BRMS1: variants seen among roughly 807,000 people sequenced by gnomAD.
BRMS1 encodes the protein BRMS1 transcriptional repressor and anoikis regulator, also known as breast cancer metastasis-suppressor 1.
A neutral mutation model predicts 40.4 loss-of-function variants in BRMS1; 26 were observed. That is an observed-to-expected ratio of 0.64 (90% confidence interval 0.47 to 0.89). BRMS1 has a LOEUF of 0.89. Ranked by LOEUF, BRMS1 falls within the 40% of genes least tolerant of loss-of-function variation. BRMS1 has a pLI of 0.00. For synonymous variants in BRMS1, 103 were observed against 116.0 expected, an observed-to-expected ratio of 0.89 and a Z score of 0.72; for missense variants, 289 against 309.4, an observed-to-expected ratio of 0.93 and a Z score of 0.49.
chr11:66,337,497 GAA>G lies in BRMS1; in HGVS notation c.*383_*384del. On this transcript the variant is annotated 3_prime_UTR_variant, in exon 10 of 10. Transcript: ENST00000359957. ...TCTGACTCAGAGTTCCCGCACAGTG[GAA>G]ACTGGCTCCCTGGCCCTGAGGCCGG... 1 of 619,792 alleles carries G rather than the reference GAA, an allele frequency of 1.6e-6. No homozygotes were observed. The highest frequency in any genetic ancestry group is 2.8e-6 in the Non-Finnish European group (1 of 355,104). The allele number at this position is 619,792 out of a possible 1,614,324, so 38.4% of individuals were successfully genotyped here.
intron 7 of BRMS1, 69 bp from the exon 8 acceptor site, chr11:66,338,854 TCAG>T: frequency 1.4e-6 from 2 of 1,443,848 alleles, no homozygotes; most frequent in Non-Finnish European, 1.9e-6. Flanking sequence ...CACCTGACAT[TCAG>T]GAGTGGGGGT....
rs1400803460 is a variant in BRMS1, at chr11:66,341,254, G to T, written c.310C>A (p.Pro104Thr). 29 of 1,613,464 alleles carry T rather than the reference G, an allele frequency of 1.8e-5. No homozygotes were observed. The highest frequency in any genetic ancestry group is 2.4e-5 in the Non-Finnish European group (28 of 1,179,724). The change falls in exon 4 of 10, where the codon CCC (proline) becomes ACC (threonine). Residue 104 changes from proline (P) to threonine (T), a missense_variant. Coordinates refer to ENST00000359957, the MANE Select transcript of BRMS1 (RefSeq NM_015399.4). The surrounding 1 kb of genome is among the most constrained non-coding windows in gnomAD (Gnocchi z 4.9). The part of the protein sequence containing the change: ...GAERAPEYTE[P>T]LGGLQRSLKI... ...AGGCTCCGCTGCAGCCCCCCAAGGG[G>T]CTCCGTGTATTCAGGGGCTCTCTCA...
chr11:66,337,691 C>A lies in BRMS1; in HGVS notation c.*191G>T. The A allele has an allele frequency of 6.3e-7, 1 of 1,588,120 alleles. No individual in the cohort carries two copies. Among genetic ancestry groups the A allele is most frequent in the Non-Finnish European group, 8.6e-7 (1 of 1,168,332 alleles). ...GGTCAGCTCCACGGCCACAGCTGTGCAGGCCTCGAGGAGGGCAGAGGAGGA... is the reference window on the plus strand; with the variant it reads ...GGTCAGCTCCACGGCCACAGCTGTGAAGGCCTCGAGGAGGGCAGAGGAGGA... On this transcript the variant is annotated 3_prime_UTR_variant, in exon 10 of 10. Coordinates refer to ENST00000359957, the MANE Select transcript of BRMS1 (RefSeq NM_015399.4).
intron 1 of BRMS1, among the ~76,000 whole-genome samples, chr11:66,342,886 C>T (rs185118253): frequency 6.6e-6 from 1 of 152,340 alleles, no homozygotes; most frequent in Non-Finnish European, 1.5e-5. Context: ...ATGTCCTCGG[C>T]TTCTCTTCCA....
At chr11:66,342,547 G>C (rs1855111651) in intron 1 of BRMS1, among the ~76,000 whole-genome samples, 1 of 152,190 alleles carries the variant, frequency 6.6e-6, no homozygotes, top group Non-Finnish European at 1.5e-5. Context: ...CACTGCCTTT[G>C]CAACTGGACC....
chr11:66,337,812 A>C lies in BRMS1; in HGVS notation c.*70T>G, dbSNP rs755835737. ...GGGGCCTGTGGGTCCGCCTGTCTGC[A>C]GGAGGAAGACGAGAATCCTGGGTGC... On this transcript the variant is annotated 3_prime_UTR_variant, in exon 10 of 10. Transcript: ENST00000359957. The C allele has an allele frequency of 8.7e-6, 14 of 1,614,146 alleles. No homozygotes were observed. The Middle Eastern group carries it at 6.6e-4, about 76-fold the overall frequency.
At chr11:66,339,292 G>T (rs1250199264) in intron 7 of BRMS1, among the ~76,000 whole-genome samples, 1 of 152,202 alleles carries the variant, frequency 6.6e-6, no homozygotes, top group Non-Finnish European at 1.5e-5. Context: ...TACCCTCAGG[G>T]GTGCAGGAGG....
At chr11:66,338,032 G>C (rs1854968878) in intron 9 of BRMS1, 143 bp from the exon 10 acceptor site, 4 of 1,161,396 alleles carry the variant, frequency 3.4e-6, no homozygotes. Flanking sequence ...TCCTGAGTGG[G>C]AGCTCCATCA....
In BRMS1 at chr11:66,341,698, C is replaced by A; in HGVS notation, c.140-75G>T. ...CCCGCATGTGTGCATGTGCGTCCTG[C>A]ATGTGTGTGTGTGCATGCATGCCTG... is the stretch of plus-strand genomic sequence containing the variant. On this transcript the variant is annotated intron_variant, in intron 2 of 9. Transcript: ENST00000359957. This position sits in a 1 kb window ranked among gnomAD's most constrained non-coding sequence, Gnocchi z 4.9. 6 of 1,254,436 alleles carry A rather than the reference C, an allele frequency of 4.8e-6. No individual in the cohort carries two copies. Among genetic ancestry groups the A allele is most frequent in the Non-Finnish European group, 7.0e-6 (6 of 856,786 alleles). 77.7% of individuals were successfully genotyped at this position (1,254,436 alleles called of 1,614,324 possible). A position where few individuals can be genotyped will look rare whatever the true frequency, so the allele number is the denominator to read the frequency against.
rs925018709 is a variant in BRMS1 at position 66,338,391 on chromosome 11, C to T, written c.694-109G>A. On this transcript the variant is annotated intron_variant, in intron 8 of 9. Transcript: ENST00000359957. ...TGGGCTGTTGCCTCAGTGCTGTGCCCCCAGGACCGGGAGCATAGGCCCCAC... is the reference window on the plus strand; with the variant it reads ...TGGGCTGTTGCCTCAGTGCTGTGCCTCCAGGACCGGGAGCATAGGCCCCAC... The T allele has an allele frequency of 1.7e-5, 26 of 1,535,766 alleles. No individual in the cohort carries two copies. The Admixed American group carries it at 5.2e-4, about 30-fold the overall frequency.
In BRMS1 at chr11:66,341,711, GCA is replaced by G; in HGVS notation, c.140-90_140-89del. ...ATGTGCGTCCTGCATGTGTGTGTGT[GCA>G]TGCATGCCTGTGTGTAGGGCCTGTG... On this transcript the variant is annotated intron_variant, in intron 2 of 9. Coordinates refer to ENST00000359957, the MANE Select transcript of BRMS1 (RefSeq NM_015399.4). This position sits in a 1 kb window ranked among gnomAD's most constrained non-coding sequence, Gnocchi z 4.9. The G allele has an allele frequency of 9.3e-7, 1 of 1,080,724 alleles. No homozygotes were observed. Among genetic ancestry groups the G allele is most frequent in the Non-Finnish European group, 1.4e-6 (1 of 700,914 alleles). 66.9% of individuals were successfully genotyped at this position (1,080,724 alleles called of 1,614,324 possible).
rs760790404 is a variant in BRMS1, at chr11:66,337,709, G to C, written c.*173C>G. Reference sequence around the variant, plus strand: ...AGCTGTGCAGGCCTCGAGGAGGGCAGAGGAGGAGTCCAGGCCAGTGCCAGA... The same window carrying C: ...AGCTGTGCAGGCCTCGAGGAGGGCACAGGAGGAGTCCAGGCCAGTGCCAGA... On this transcript the variant is annotated 3_prime_UTR_variant, in exon 10 of 10. Coordinates refer to ENST00000359957, the MANE Select transcript of BRMS1 (RefSeq NM_015399.4). 1.2e-6 allele frequency: 2 copies of C among 1,605,962 alleles called. No homozygotes were observed. The highest frequency in any genetic ancestry group is 2.7e-5 in the African/African-American group (2 of 74,764).
At chr11:66,344,001 A>T (rs1316073434) in intron 1 of BRMS1, among the ~76,000 whole-genome samples, 2 of 152,176 alleles carry the variant, frequency 1.3e-5, no homozygotes, top group African/African-American at 2.4e-5. Flanking sequence ...CTTCTATTTT[A>T]TTGTGTTCTT....
intron 8 of BRMS1, 69 bp from the exon 9 acceptor site, chr11:66,338,351 C>A: frequency 6.4e-7 from 1 of 1,556,048 alleles, no homozygotes; most frequent in Non-Finnish European, 8.7e-7. Context: ...CCCCACCCCC[C>A]ACCTCTGTGG....
chr11:66,342,056 CTGTG>C (rs56854133), intron 2 of BRMS1, 36 bp downstream of exon 2: 95 of 1,489,750 alleles, frequency 6.4e-5, no homozygotes, highest in African/African-American at 2.4e-4. Flanking sequence ...TGTAGGGGCT[CTGTG>C]TGTGTGTGTG....
In BRMS1 at chr11:66,345,074, G is replaced by T. The variant is rs1203095409; in HGVS notation, c.-110C>A. On this transcript the variant is annotated 5_prime_UTR_variant, in exon 1 of 10. Transcript: ENST00000359957. ...GCCGGACTCCCGTAGGCGCTGCGCG[G>T]CTCCCTTTTCTTCGGGAGGCAGAGC... 6.6e-6 allele frequency: 1 copy of T among 152,262 alleles called. No individual in the cohort carries two copies. Among genetic ancestry groups the T allele is most frequent in the Admixed American group, 6.5e-5 (1 of 15,288 alleles). The allele number at this position is 152,262 out of a possible 1,614,324, so 9.4% of individuals were successfully genotyped here.
chr11:66,340,121 C>G lies in BRMS1; in HGVS notation c.628G>C (p.Gly210Arg). ...SKRKKAPLVS[G>R]PYIVYMLQEI... ...TAGGCCACCTTGGGTGAAAGGATAC[C>G]AGAAACCAGAGGTGCCTTCTTCCTC... Residue 210 changes from glycine to arginine, a missense_variant and splice_region_variant, in exon 7 of 10, where the codon GGC becomes CGC. Coordinates refer to ENST00000359957, the MANE Select transcript of BRMS1 (RefSeq NM_015399.4). The G allele has an allele frequency of 6.2e-7, 1 of 1,613,428 alleles. No homozygotes were observed. The highest frequency in any genetic ancestry group is 8.5e-7 in the Non-Finnish European group (1 of 1,179,854).
At position 66,337,637 on chromosome 11, in the gene BRMS1, G is replaced by A; in HGVS notation, c.*245C>T. 2 of 1,500,308 alleles carry A rather than the reference G, an allele frequency of 1.3e-6. No homozygotes were observed. Among genetic ancestry groups the A allele is most frequent in the African/African-American group, 1.4e-5 (1 of 72,304 alleles). 92.9% of individuals were successfully genotyped at this position (1,500,308 alleles called of 1,614,324 possible). ...GGAGTGGGAGGTGGCAGGCGGCTCA[G>A]GGATGGAGACAGCAGCCTTGCCTGG... is the stretch of plus-strand genomic sequence containing the variant. On this transcript the variant is annotated 3_prime_UTR_variant, in exon 10 of 10. Coordinates refer to ENST00000359957, the MANE Select transcript of BRMS1 (RefSeq NM_015399.4).
In BRMS1 at chr11:66,341,709, G is replaced by A. The variant is rs905869979; in HGVS notation, c.140-86C>T. 1.8e-6 allele frequency: 2 copies of A among 1,093,522 alleles called. No individual in the cohort carries two copies. Among genetic ancestry groups the A allele is most frequent in the Admixed American group, 1.7e-5 (1 of 59,290 alleles). 67.7% of individuals were successfully genotyped at this position (1,093,522 alleles called of 1,614,324 possible). A position where few individuals can be genotyped will look rare whatever the true frequency, so the allele number is the denominator to read the frequency against. On this transcript the variant is annotated intron_variant, in intron 2 of 9. Transcript: ENST00000359957. This position sits in a 1 kb window ranked among gnomAD's most constrained non-coding sequence, Gnocchi z 4.9. ...GCATGTGCGTCCTGCATGTGTGTGTGTGCATGCATGCCTGTGTGTAGGGCC... is the reference window on the plus strand; with the variant it reads ...GCATGTGCGTCCTGCATGTGTGTGTATGCATGCATGCCTGTGTGTAGGGCC...
Sources: gnomAD v4.1 joint callset for allele counts (sites outside exome capture counted in the v4.1 genomes callset) on GRCh38, gnomAD v4.1.1 for gene constraint, Gnocchi (gnomAD v3.1) non-coding constraint, MANE v1.5 for transcripts, NCBI Gene and HGNC (gene_info 2026-07-23, HGNC 2026-07-21) for gene names.